The following CHRDL1 variants were observed in gnomAD, a reference collection of about 807,000 sequenced individuals.
CHRDL1 encodes chordin like 1, also known as chordin-like protein 1.
Under a neutral mutation model 40.9 loss-of-function variants are expected in CHRDL1, and 19 were observed. The ratio of observed to expected loss-of-function variants is 0.46; its 90% CI spans 0.32 to 0.68. The LOEUF (loss-of-function observed/expected upper bound fraction) is 0.68. Ranked by LOEUF, CHRDL1 falls within the 30% of genes least tolerant of loss-of-function variation. CHRDL1 has a pLI of 0.03. For missense variants in CHRDL1, 329 were observed against 352.1 expected, an observed-to-expected ratio of 0.93 and a Z score of 0.53; for synonymous variants, 136 against 123.4, an observed-to-expected ratio of 1.10 and a Z score of -0.68.
chrX:110,713,312 G>T (rs2070778121), intron 6 of CHRDL1, among the ~76,000 whole-genome samples: 1 of 111,933 alleles, frequency 8.9e-6, no homozygotes, highest in African/African-American at 3.2e-5. Context: ...GTTCACCATT[G>T]TATCTCTAGC....
chrX:110,689,895 C>T (rs1486213693), intron 8 of CHRDL1, among the ~76,000 whole-genome samples: 1 of 25,095 alleles, frequency 4.0e-5, no homozygotes. Flanking sequence ...ATCTATATAT[C>T]TATATATATC....
chrX:110,749,402 T>C (rs2089316954), intron 4 of CHRDL1, among the ~76,000 whole-genome samples: 1 of 112,026 alleles, frequency 8.9e-6, no homozygotes, highest in Admixed American at 9.4e-5. Context: ...GCAGACAGCT[T>C]TGATTTAGCC....
chrX:110,711,810 T>A (rs2070751236), intron 6 of CHRDL1, among the ~76,000 whole-genome samples: 1 of 112,111 alleles, frequency 8.9e-6, no homozygotes, highest in Non-Finnish European at 1.9e-5. Context: ...GTGTCTTAGG[T>A]AAAATGGCAC....
chrX:110,708,932 T>C (rs2070697298), intron 6 of CHRDL1, among the ~76,000 whole-genome samples: 1 of 111,683 alleles, frequency 9.0e-6, no homozygotes, highest in South Asian at 3.8e-4. Context: ...TTCCTCCCGG[T>C]AGCCTCAGAA....
At chrX:110,696,496 TAGG>T (rs946350349) in intron 7 of CHRDL1, among the ~76,000 whole-genome samples, 20 of 109,112 alleles carry the variant, frequency 1.8e-4, no homozygotes, top group African/African-American at 6.1e-4. Flanking sequence ...GGTAGGAGTG[TAGG>T]AGTAGGGGGA....
chrX:110,773,600 C>T lies in CHRDL1; in HGVS notation c.95-10793G>A, dbSNP rs182416716. Among the ~76,000 whole-genome samples the T allele has an allele frequency of 8.3e-3, 890 of 107,201 alleles. 6 individuals are homozygous for T. Among genetic ancestry groups the T allele is most frequent in the African/African-American group, 0.029 (846 of 29,383 alleles). 93.1% of individuals were successfully genotyped at this position (107,201 alleles called of 115,157 possible). ...AAAATTAGCTGGGCGTGGTGGCAGG[C>T]GCCTGTAGTCCCAGCTACTAGGGAG... On this transcript the variant is annotated intron_variant, in intron 2 of 11. Coordinates refer to ENST00000372042, the MANE Select transcript of CHRDL1 (RefSeq NM_001143981.2).
intron 2 of CHRDL1, among the ~76,000 whole-genome samples, chrX:110,783,475 G>A (rs889230846): frequency 8.9e-6 from 1 of 112,631 alleles, no homozygotes; most frequent in African/African-American, 3.2e-5. Flanking sequence ...ATGCTTATAA[G>A]TTTGAAATTT....
intron 2 of CHRDL1, among the ~76,000 whole-genome samples, chrX:110,788,823 C>T (rs750466306): frequency 2.7e-5 from 3 of 111,393 alleles, no homozygotes; most frequent in South Asian, 3.8e-4. Flanking sequence ...ACCTACCATC[C>T]GGAGATTTAA....
intron 2 of CHRDL1, among the ~76,000 whole-genome samples, chrX:110,771,144 C>CA (rs753915390): frequency 0.025 from 1,616 of 65,420 alleles, 20 homozygotes; most frequent in South Asian, 0.07. Flanking sequence ...GACTCTGTCT[C>CA]AAAAAAAAAA....
intron 1 of CHRDL1, among the ~76,000 whole-genome samples, chrX:110,794,921 G>A (rs1417279293): frequency 1.8e-5 from 2 of 112,248 alleles, no homozygotes; most frequent in South Asian, 7.5e-4. Flanking sequence ...TTGTCCATCA[G>A]CTGAAATCCT....
intron 9 of CHRDL1, among the ~76,000 whole-genome samples, chrX:110,686,419 T>C (rs2070016439): frequency 8.9e-6 from 1 of 111,821 alleles, no homozygotes; most frequent in Non-Finnish European, 1.9e-5. Context: ...TCATGGGTAA[T>C]TTGTGTAAAT....
At chrX:110,747,409 A>AACACACACACACACACACACAC (rs113917102) in intron 4 of CHRDL1, among the ~76,000 whole-genome samples, 24 of 91,225 alleles carry the variant, frequency 2.6e-4, no homozygotes, top group African/African-American at 1.0e-3. Flanking sequence ...ATCAAAACAA[A>AACACACACACACACACACACAC]ACACACACAC....
chrX:110,779,796 G>A (rs985555732), intron 2 of CHRDL1, among the ~76,000 whole-genome samples: 14 of 111,067 alleles, frequency 1.3e-4, no homozygotes, highest in Non-Finnish European at 1.9e-5. Flanking sequence ...TGACAATATC[G>A]AGTTTTCCTA....
At chrX:110,733,559 G>C (rs2148479272) in intron 4 of CHRDL1, among the ~76,000 whole-genome samples, 1 of 111,563 alleles carries the variant, frequency 9.0e-6, no homozygotes, top group African/African-American at 3.3e-5. Context: ...TAAGTGCAAA[G>C]GAGACAGGGT....
intron 4 of CHRDL1, among the ~76,000 whole-genome samples, chrX:110,726,673 G>A (rs2071064067): frequency 8.9e-6 from 1 of 111,752 alleles, no homozygotes; most frequent in African/African-American, 3.3e-5. Flanking sequence ...AAAGCCCAAA[G>A]GTATCTGGTA....
At chrX:110,770,144 A>G (rs959281856) in intron 2 of CHRDL1, among the ~76,000 whole-genome samples, 3 of 112,481 alleles carry the variant, frequency 2.7e-5, no homozygotes, top group African/African-American at 9.7e-5. Context: ...TCAAACCCTG[A>G]TAACCTTTTC....
rs183237705 is a variant in CHRDL1 at position 110,783,239 on chromosome X, T to G, written c.94+8849A>C. Among the ~76,000 whole-genome samples the G allele has an allele frequency of 6.1e-4, 68 of 112,299 alleles. 1 individual carries two copies. In the Middle Eastern group the frequency reaches 0.014, roughly 23 times the overall value. The stretch of plus-strand genomic sequence containing the variant: ...GCCTCCTGGGTTCAAGGGATTCTCC[T>G]GCCTCAGCATCCCGAGTAGCTGGGG... On this transcript the variant is annotated intron_variant, in intron 2 of 11. Coordinates refer to ENST00000372042, the MANE Select transcript of CHRDL1 (RefSeq NM_001143981.2).
chrX:110,690,559 A>T (rs190834065), intron 8 of CHRDL1, among the ~76,000 whole-genome samples: 375 of 110,879 alleles, frequency 3.4e-3, no homozygotes, highest in Middle Eastern at 9.3e-3. Flanking sequence ...CCAAAGGGAC[A>T]GTTTCTTCCG....
At chrX:110,783,457 T>C (rs1180636069) in intron 2 of CHRDL1, among the ~76,000 whole-genome samples, 1 of 112,661 alleles carries the variant, frequency 8.9e-6, no homozygotes, top group African/African-American at 3.2e-5. Context: ...TAAAGCCAAT[T>C]TCAGTATATG....
Sources: gnomAD v4.1 joint callset for allele counts (sites outside exome capture counted in the v4.1 genomes callset) on GRCh38, gnomAD v4.1.1 for gene constraint, MANE v1.5 for transcripts, NCBI Gene and HGNC (gene_info 2026-07-23, HGNC 2026-07-21) for gene names.